Variants in TMEM87A observed in about 807,000 individuals in gnomAD.
TMEM87A encodes the protein Golgi-pH regulating cation channel.
TMEM87A carries 50 observed loss-of-function variants against 90.0 expected under a neutral mutation model. The ratio of observed to expected loss-of-function variants is 0.56; its 90% CI spans 0.44 to 0.70. TMEM87A has a LOEUF of 0.70. Ranked by LOEUF, TMEM87A falls within the 30% of genes least tolerant of loss-of-function variation. The probability of loss-of-function intolerance (pLI) is 0.00; values close to 1 mark genes in which losing one functional copy is unlikely to be tolerated. For synonymous variants in TMEM87A, 226 were observed against 226.7 expected (o/e 1.00, Z 0.03); for missense variants, 577 against 660.5 (o/e 0.87, Z 1.39).
chr15:42,222,638 A>G (rs1250640214), intron 15 of TMEM87A, among the ~76,000 whole-genome samples: 4 of 151,752 alleles, frequency 2.6e-5, no homozygotes, highest in Admixed American at 2.6e-4. Flanking sequence ...AGCTCGCTGC[A>G]ACCTCCGCCT....
intron 7 of TMEM87A, among the ~76,000 whole-genome samples, chr15:42,240,137 A>G (rs2050843522): frequency 6.6e-6 from 1 of 152,210 alleles, no homozygotes; most frequent in East Asian, 1.9e-4. Context: ...TATGCCTTAC[A>G]GGACTTCCTT....
intron 6 of TMEM87A, among the ~76,000 whole-genome samples, chr15:42,253,794 T>C (rs963355426): frequency 1.3e-5 from 2 of 152,220 alleles, no homozygotes; most frequent in African/African-American, 4.8e-5. Flanking sequence ...CTGAATGTGA[T>C]AGCTTTCATC....
chr15:42,226,447 ATG>A (rs2050595764), intron 15 of TMEM87A, among the ~76,000 whole-genome samples: 1 of 152,220 alleles, frequency 6.6e-6, no homozygotes, highest in Non-Finnish European at 1.5e-5. Context: ...AAAACAAAAT[ATG>A]TATGTAACTC....
At chr15:42,272,161 C>T (rs367680933) in intron 1 of TMEM87A, 38 bp from the exon 2 acceptor site, 1 of 1,459,120 alleles carries the variant, frequency 6.9e-7, no homozygotes, top group African/African-American at 1.4e-5. Context: ...CCTCAGATGG[C>T]TTCAATTACC....
chr15:42,227,596 G>C, intron 14 of TMEM87A, 115 bp downstream of exon 14: 1 of 839,388 alleles, frequency 1.2e-6, no homozygotes, highest in Non-Finnish European at 1.9e-6. Flanking sequence ...TCAGAGTAGA[G>C]ACCTAGCTCT....
At chr15:42,221,219 A>C (rs1235284610) in intron 15 of TMEM87A, among the ~76,000 whole-genome samples, 1 of 151,864 alleles carries the variant, frequency 6.6e-6, no homozygotes, top group African/African-American at 2.4e-5. Flanking sequence ...ACTGCACTCC[A>C]GCCTGGGCGA....
chr15:42,243,027 G>A (rs947891863), intron 7 of TMEM87A, among the ~76,000 whole-genome samples: 6 of 152,104 alleles, frequency 3.9e-5, no homozygotes, highest in African/African-American at 1.4e-4. Flanking sequence ...AGCACTTTGG[G>A]AGGCCAAGGC....
intron 6 of TMEM87A, among the ~76,000 whole-genome samples, chr15:42,250,665 TAA>T (rs2051068394): frequency 6.6e-6 from 1 of 152,218 alleles, no homozygotes; most frequent in African/African-American, 2.4e-5. Flanking sequence ...TGGCTGCCCT[TAA>T]CATTTTTTTC....
intron 12 of TMEM87A, among the ~76,000 whole-genome samples, chr15:42,230,692 GA>G (rs2050671720): frequency 6.6e-6 from 1 of 152,164 alleles, no homozygotes; most frequent in Admixed American, 6.5e-5. Flanking sequence ...AATGAGGCAA[GA>G]AAACACTCAC....
At chr15:42,248,964 C>G (rs1174153696) in intron 6 of TMEM87A, among the ~76,000 whole-genome samples, 1 of 152,158 alleles carries the variant, frequency 6.6e-6, no homozygotes, top group African/African-American at 2.4e-5. Context: ...ATTTCAGAAC[C>G]TGTTATTGAT....
chr15:42,246,302 G>T (rs1016336916), intron 6 of TMEM87A, among the ~76,000 whole-genome samples: 4 of 150,858 alleles, frequency 2.7e-5, no homozygotes, highest in African/African-American at 9.7e-5. Flanking sequence ...AAGTTTTGTT[G>T]TTTTTTTTTA....
chr15:42,216,368 T>A (rs2050384181), intron 19 of TMEM87A, among the ~76,000 whole-genome samples: 1 of 152,218 alleles, frequency 6.6e-6, no homozygotes, highest in Admixed American at 6.5e-5. Context: ...AGAGAGTAGA[T>A]CTCATTGTTA....
intron 6 of TMEM87A, 32 bp from the exon 7 acceptor site, chr15:42,244,199 A>G (rs766296214): frequency 7.0e-7 from 1 of 1,420,560 alleles, no homozygotes. Context: ...ACATCTATAA[A>G]TCTTAAGAAT....
At chr15:42,266,682 T>A (rs570209105) in intron 3 of TMEM87A, among the ~76,000 whole-genome samples, 1 of 152,164 alleles carries the variant, frequency 6.6e-6, no homozygotes, top group Non-Finnish European at 1.5e-5. Flanking sequence ...TGGCAGTTTT[T>A]AAAAATGCCA....
intron 9 of TMEM87A, 59 bp from the exon 10 acceptor site, chr15:42,236,478 C>T (rs1679012): frequency 0.75 from 1,045,636 of 1,398,526 alleles, 408,524 homozygotes; most frequent in East Asian, 0.83. Flanking sequence ...AGGCCAGATG[C>T]CAATACTAGA....
rs1351231219 is a variant in TMEM87A, at chr15:42,231,084, A to G, written c.1131+108T>C. On this transcript the variant is annotated intron_variant, in intron 12 of 19. Coordinates refer to ENST00000389834, the MANE Select transcript of TMEM87A (RefSeq NM_015497.5). ...CTTAGCATGCACTGTTCCCCACACT[A>G]AGGAGTAATTAACAAAACTGATAAA... 5.0e-6 allele frequency: 5 copies of G among 991,132 alleles called. No individual in the cohort carries two copies. In the East Asian group the frequency reaches 1.4e-4, roughly 27 times the overall value. The allele number at this position is 991,132 out of a possible 1,614,324, so 61.4% of individuals were successfully genotyped here. A position where few individuals can be genotyped will look rare whatever the true frequency, so the allele number is the denominator to read the frequency against.
chr15:42,234,193 T>C (rs1020927760), intron 10 of TMEM87A, among the ~76,000 whole-genome samples: 2 of 152,222 alleles, frequency 1.3e-5, no homozygotes, highest in Non-Finnish European at 2.9e-5. Context: ...AATAGTATAT[T>C]TGCAAGCTCG....
intron 6 of TMEM87A, among the ~76,000 whole-genome samples, chr15:42,257,345 C>G (rs546737693): frequency 2.0e-5 from 3 of 152,188 alleles, no homozygotes; most frequent in African/African-American, 7.2e-5. Context: ...TCCTCCTCCT[C>G]CCTCTTTCCT....
chr15:42,227,882 T>C, intron 13 of TMEM87A, 113 bp from the exon 14 acceptor site: 1 of 811,898 alleles, frequency 1.2e-6, no homozygotes, highest in Non-Finnish European at 2.1e-6. Flanking sequence ...CCCAAATACA[T>C]CACAACTCTA....
Sources: gnomAD v4.1 joint callset for allele counts (sites outside exome capture counted in the v4.1 genomes callset) on GRCh38, gnomAD v4.1.1 for gene constraint, MANE v1.5 for transcripts, NCBI Gene and HGNC (gene_info 2026-07-23, HGNC 2026-07-21) for gene names.